SH3RF2: variants seen among roughly 807,000 people sequenced by gnomAD.
The protein encoded by SH3RF2 is SH3 domain containing ring finger 2.
In SH3RF2, 43 loss-of-function variants were observed where a neutral mutation model predicts 59.0. The ratio of observed to expected loss-of-function variants is 0.73; its 90% CI spans 0.57 to 0.94. The LOEUF (loss-of-function observed/expected upper bound fraction) is 0.94, where lower values mean the gene tolerates loss of function less well. Among genes scored for constraint, SH3RF2 ranks in the 40% least tolerant of loss-of-function variants. The pLI is 0.00. For synonymous variants in SH3RF2, 391 were observed against 391.5 expected, an observed-to-expected ratio of 1.00 and a Z score of 0.01; for missense variants, 930 against 940.1, an observed-to-expected ratio of 0.99 and a Z score of 0.14.
intron 4 of SH3RF2, among the ~76,000 whole-genome samples, chr5:146,013,181 A>C (rs2149992736): frequency 6.6e-6 from 1 of 152,358 alleles, no homozygotes; most frequent in Non-Finnish European, 1.5e-5. Flanking sequence ...ACTATTCCAC[A>C]AACACTAAGC....
At chr5:145,950,495 G>A (rs977192149) in intron 2 of SH3RF2, among the ~76,000 whole-genome samples, 3 of 152,144 alleles carry the variant, frequency 2.0e-5, no homozygotes, top group African/African-American at 7.2e-5. Context: ...AGAAATTTAA[G>A]AATGTAAGTA....
At chr5:145,945,549 T>A (rs1031094884) in intron 2 of SH3RF2, among the ~76,000 whole-genome samples, 4 of 152,006 alleles carry the variant, frequency 2.6e-5, no homozygotes, top group African/African-American at 9.7e-5. Context: ...AACAAAAAGA[T>A]GTTTTAAAAG....
intron 2 of SH3RF2, among the ~76,000 whole-genome samples, chr5:145,942,919 ATTGT>A (rs1757872997): frequency 6.6e-6 from 1 of 152,154 alleles, no homozygotes; most frequent in Non-Finnish European, 1.5e-5. Context: ...CCAGGATTCA[ATTGT>A]TTGTTAGCTG....
At chr5:146,018,534 T>C (rs540196247) in intron 5 of SH3RF2, among the ~76,000 whole-genome samples, 36 of 151,944 alleles carry the variant, frequency 2.4e-4, no homozygotes, top group Admixed American at 9.2e-4. Flanking sequence ...ACACACCACA[T>C]TTTCTTTATC....
At chr5:146,016,994 G>T (rs1561744244) in intron 5 of SH3RF2, among the ~76,000 whole-genome samples, 1 of 152,176 alleles carries the variant, frequency 6.6e-6, no homozygotes, top group African/African-American at 2.4e-5. Context: ...ACAAGTCTTG[G>T]ATTGTCCCTC....
At chr5:146,044,670 C>T (rs1762244427) in intron 5 of SH3RF2, among the ~76,000 whole-genome samples, 1 of 152,104 alleles carries the variant, frequency 6.6e-6, no homozygotes, top group Non-Finnish European at 1.5e-5. Context: ...CCCTCTGTCC[C>T]TCTGCAGCTA....
intron 4 of SH3RF2, among the ~76,000 whole-genome samples, chr5:146,004,667 A>G (rs530661105): frequency 3.3e-5 from 5 of 149,948 alleles, no homozygotes; most frequent in African/African-American, 1.3e-4. Context: ...ATGGAGAATA[A>G]TATTTATGGA....
At chr5:146,003,752 T>C (rs1233762918) in intron 3 of SH3RF2, among the ~76,000 whole-genome samples, 1 of 152,228 alleles carries the variant, frequency 6.6e-6, no homozygotes, top group Non-Finnish European at 1.5e-5. Flanking sequence ...TCTTGATTTC[T>C]CCATCAGATA....
chr5:146,041,958 A>G (rs115587853), intron 5 of SH3RF2, among the ~76,000 whole-genome samples: 3,550 of 152,202 alleles, frequency 0.023, 75 homozygotes, highest in Admixed American at 0.068. Context: ...ATAAAATAAA[A>G]TGTAGCCCTT....
At chr5:146,010,092 T>C (rs1468822440) in intron 4 of SH3RF2, among the ~76,000 whole-genome samples, 1 of 151,202 alleles carries the variant, frequency 6.6e-6, no homozygotes, top group Non-Finnish European at 1.5e-5. Context: ...AGTGTTCTCA[T>C]TGTTCAATTC....
intron 5 of SH3RF2, among the ~76,000 whole-genome samples, chr5:146,044,292 A>G (rs112157112): frequency 0.023 from 3,498 of 152,190 alleles, 151 homozygotes; most frequent in African/African-American, 0.081. Context: ...CTGGAATTAC[A>G]GGCGCATGCC....
intron 7 of SH3RF2, among the ~76,000 whole-genome samples, chr5:146,054,223 G>A (rs1371943802): frequency 6.6e-6 from 1 of 152,122 alleles, no homozygotes; most frequent in Admixed American, 6.5e-5. Flanking sequence ...GGGAGACTTG[G>A]GATTTAGAAG....
At chr5:146,076,860 A>G (rs1043369056) in intron 9 of SH3RF2, among the ~76,000 whole-genome samples, 3 of 152,076 alleles carry the variant, frequency 2.0e-5, no homozygotes, top group African/African-American at 7.2e-5. Context: ...ATGTGATAAG[A>G]CTTCCACAAA....
chr5:146,070,410 T>C (rs1428674586), intron 9 of SH3RF2, among the ~76,000 whole-genome samples: 1 of 152,172 alleles, frequency 6.6e-6, no homozygotes, highest in Non-Finnish European at 1.5e-5. Flanking sequence ...AGAAGTAAGA[T>C]AACTGAGAGT....
In SH3RF2 at chr5:145,968,604, A is replaced by G. The variant is rs914881397; in HGVS notation, c.378+30298A>G. 5.3e-5 allele frequency among the ~76,000 whole-genome samples: 8 copies of G among 152,254 alleles called. No homozygotes were observed. In the South Asian group the frequency reaches 6.2e-4, roughly 12 times the overall value. ...AATTTTGAGTAGCCACATTAAAAAAAGTAAAAAGAAAGGTGAAATTAATTT... is the reference window on the plus strand; with the variant it reads ...AATTTTGAGTAGCCACATTAAAAAAGGTAAAAAGAAAGGTGAAATTAATTT... On this transcript the variant is annotated intron_variant, in intron 2 of 9. Transcript: ENST00000359120.
chr5:146,024,471 C>G (rs1761455347), intron 5 of SH3RF2, among the ~76,000 whole-genome samples: 1 of 152,078 alleles, frequency 6.6e-6, no homozygotes, highest in Non-Finnish European at 1.5e-5. Context: ...GATTCAAGTC[C>G]CGTATCAGTT....
rs765897863 is a variant in SH3RF2 at position 146,062,410 on chromosome 5, C to T, written c.1915-16C>T. 1 of 1,611,172 alleles carries T rather than the reference C, an allele frequency of 6.2e-7. No individual in the cohort carries two copies. The highest frequency in any genetic ancestry group is 1.1e-5 in the South Asian group (1 of 90,758). ...CCCACCTCACCTGTGTCCATTTCCT[C>T]TCCTTTCTCTTGCAGCAAGTCAAAA... On this transcript the variant is annotated splice_polypyrimidine_tract_variant and intron_variant, in intron 9 of 9. Coordinates refer to ENST00000359120, the MANE Select transcript of SH3RF2 (RefSeq NM_152550.4).
At chr5:145,981,070 C>G (rs914759274) in intron 2 of SH3RF2, among the ~76,000 whole-genome samples, 4 of 152,066 alleles carry the variant, frequency 2.6e-5, no homozygotes, top group African/African-American at 9.7e-5. Context: ...CATATGCAGT[C>G]AGTGTCTAAA....
At chr5:146,027,930 T>C (rs938083298) in intron 5 of SH3RF2, among the ~76,000 whole-genome samples, 3 of 152,174 alleles carry the variant, frequency 2.0e-5, no homozygotes, top group Non-Finnish European at 4.4e-5. Flanking sequence ...TAAAGCAGGT[T>C]CGATAATTAA....
Sources: gnomAD v4.1 joint callset for allele counts (sites outside exome capture counted in the v4.1 genomes callset) on GRCh38, gnomAD v4.1.1 for gene constraint, MANE v1.5 for transcripts, NCBI Gene and HGNC (gene_info 2026-07-23, HGNC 2026-07-21) for gene names.